NLN: variants seen among roughly 807,000 people sequenced by gnomAD.
NLN encodes the protein neurolysin, mitochondrial.
In NLN, 64 loss-of-function variants were observed where a neutral mutation model predicts 79.9. The ratio of observed to expected loss-of-function variants is 0.80; its 90% CI spans 0.65 to 0.99. The LOEUF (loss-of-function observed/expected upper bound fraction) is 0.99. NLN is among the 50% of genes least tolerant of loss of function. The pLI is 0.00. For missense variants in NLN, 835 were observed against 858.7 expected, an observed-to-expected ratio of 0.97 and a Z score of 0.34; for synonymous variants, 267 against 296.6, an observed-to-expected ratio of 0.90 and a Z score of 1.02.
intron 1 of NLN, among the ~76,000 whole-genome samples, chr5:65,723,589 T>C (rs888738367): frequency 6.6e-6 from 1 of 151,346 alleles, no homozygotes; most frequent in East Asian, 1.9e-4. Flanking sequence ...CCGAGGCGGG[T>C]GGATCACGAG....
chr5:65,731,231 A>C (rs1758599477), intron 1 of NLN, among the ~76,000 whole-genome samples: 1 of 152,222 alleles, frequency 6.6e-6, no homozygotes, highest in African/African-American at 2.4e-5. Context: ...AGTGGAAGGC[A>C]GTTGGAACTG....
chr5:65,775,375 C>A (rs1429909454), intron 3 of NLN, among the ~76,000 whole-genome samples: 1 of 152,172 alleles, frequency 6.6e-6, no homozygotes, highest in African/African-American at 2.4e-5. Context: ...CGGCTGTCCC[C>A]CTGTAGCCTT....
At chr5:65,726,591 TGTG>T (rs1412912208) in intron 1 of NLN, among the ~76,000 whole-genome samples, 1 of 152,220 alleles carries the variant, frequency 6.6e-6, no homozygotes, top group Non-Finnish European at 1.5e-5. Flanking sequence ...CTTTAAGGTT[TGTG>T]GACTACATTT....
At chr5:65,753,022 T>G (rs879706032) in intron 1 of NLN, among the ~76,000 whole-genome samples, 2 of 152,196 alleles carry the variant, frequency 1.3e-5, no homozygotes, top group African/African-American at 2.4e-5. Flanking sequence ...CTAGTTGCCT[T>G]GGAAACTATA....
At position 65,758,603 on chromosome 5, in the gene NLN, A is replaced by G. The variant is rs1036672346; in HGVS notation, c.78A>G (p.Leu26=). The change falls in exon 2 of 13, where the codon TTA becomes TTG. Residue 26 remains leucine, a synonymous_variant. Coordinates refer to ENST00000380985, the MANE Select transcript of NLN (RefSeq NM_020726.5). ...GGSRILLRMT[L]GREVMSPLQA... is the part of the protein sequence containing the mutation. ...CCAGGATTTTACTCAGAATGACGTT[A>G]GGAAGAGAAGTGATGTCTCCTCTTC... is the stretch of plus-strand genomic sequence containing the variant. The G allele has an allele frequency of 1.0e-5, 16 of 1,607,786 alleles. No homozygotes were observed. The African/African-American group carries it at 1.9e-4, about 19-fold the overall frequency.
chr5:65,774,255 C>T (rs1256352109), intron 3 of NLN, among the ~76,000 whole-genome samples: 1 of 151,996 alleles, frequency 6.6e-6, no homozygotes, highest in Non-Finnish European at 1.5e-5. Flanking sequence ...CTTGTCACCA[C>T]AGAGACTAAA....
chr5:65,739,012 T>TTATATATATAAATATATAA (rs1758811898), intron 1 of NLN, among the ~76,000 whole-genome samples: 3 of 116,186 alleles, frequency 2.6e-5, no homozygotes, highest in African/African-American at 6.6e-5. Flanking sequence ...TAATATATAT[T>TTATATATATAAATATATAA]TATATATATA....
chr5:65,727,265 CAAACA>C (rs1758495862), intron 1 of NLN, among the ~76,000 whole-genome samples: 1 of 152,114 alleles, frequency 6.6e-6, no homozygotes, highest in African/African-American at 2.4e-5. Context: ...ACTCTGGTTT[CAAACA>C]ATCCTCCCTG....
At chr5:65,758,525 A>G (rs766760640) in intron 1 of NLN, 42 bp from the exon 2 acceptor site, 1 of 1,479,056 alleles carries the variant, frequency 6.8e-7, no homozygotes, top group East Asian at 2.3e-5. Context: ...CTTTGGACCA[A>G]CAGAAATCCC....
At position 65,824,624 on chromosome 5, in the gene NLN, A is replaced by G. The variant is rs542274884; in HGVS notation, c.*1709A>G. On this transcript the variant is annotated 3_prime_UTR_variant, in exon 13 of 13. Transcript: ENST00000380985. The stretch of plus-strand genomic sequence containing the variant: ...ACTTTACCACTTGAAATCTTATTTC[A>G]TAGAAAAACTAAATTGGTGTGGAAA... 4 of 152,352 alleles carry G rather than the reference A, an allele frequency of 2.6e-5. 1 individual carries two copies. Among genetic ancestry groups the G allele is most frequent in the African/African-American group, 9.6e-5 (4 of 41,578 alleles). 9.4% of individuals were successfully genotyped at this position (152,352 alleles called of 1,614,324 possible). A position where few individuals can be genotyped will look rare whatever the true frequency, so the allele number is the denominator to read the frequency against.
rs1182333034 is a variant in NLN at position 65,792,381 on chromosome 5, G to A, written c.1326-73G>A. The A allele has an allele frequency of 5.7e-6, 5 of 875,728 alleles. No homozygotes were observed. In the African/African-American group the frequency reaches 8.4e-5, roughly 15 times the overall value. The allele number at this position is 875,728 out of a possible 1,614,324, so 54.2% of individuals were successfully genotyped here. A position where few individuals can be genotyped will look rare whatever the true frequency, so the allele number is the denominator to read the frequency against. ...TGGTAACAGATATGGCTTAATGACT[G>A]GAAGAGGCCATGCCAGTGTAGTTGC... On this transcript the variant is annotated intron_variant, in intron 8 of 12. Coordinates refer to ENST00000380985, the MANE Select transcript of NLN (RefSeq NM_020726.5).
rs12653505 is a variant in NLN at position 65,740,736 on chromosome 5, C to A, written c.42-17831C>A. Among the ~76,000 whole-genome samples, 4 of 151,510 alleles carry A rather than the reference C, an allele frequency of 2.6e-5. No individual in the cohort carries two copies. The East Asian group carries it at 7.7e-4, about 29-fold the overall frequency. On this transcript the variant is annotated intron_variant, in intron 1 of 12. Coordinates refer to ENST00000380985, the MANE Select transcript of NLN (RefSeq NM_020726.5). ...TGGCCATAAATGTGTGGATTTATTTCTGGGCTTTCTAGGCTGTTCCATCAG... is the reference window on the plus strand; with the variant it reads ...TGGCCATAAATGTGTGGATTTATTTATGGGCTTTCTAGGCTGTTCCATCAG...
At chr5:65,815,792 C>T (rs1240715902) in intron 12 of NLN, among the ~76,000 whole-genome samples, 1 of 151,954 alleles carries the variant, frequency 6.6e-6, no homozygotes, top group African/African-American at 2.4e-5. Flanking sequence ...AAAAAAAAAC[C>T]CACAAATATT....
chr5:65,773,510 TCTC>T (rs978563484), intron 3 of NLN, among the ~76,000 whole-genome samples: 5 of 152,196 alleles, frequency 3.3e-5, no homozygotes, highest in African/African-American at 1.2e-4. Context: ...CATTGTAATT[TCTC>T]CTTTGTATAA....
chr5:65,742,095 A>G (rs1420342639), intron 1 of NLN, among the ~76,000 whole-genome samples: 2 of 152,114 alleles, frequency 1.3e-5, no homozygotes, highest in Non-Finnish European at 2.9e-5. Context: ...ACATTTTAAC[A>G]TTTTTATTCA....
chr5:65,749,347 G>A (rs1457958553), intron 1 of NLN, among the ~76,000 whole-genome samples: 1 of 152,218 alleles, frequency 6.6e-6, no homozygotes, highest in Non-Finnish European at 1.5e-5. Flanking sequence ...GAATTGTAGT[G>A]CAGTAATGAT....
chr5:65,817,606 C>T (rs1398639594), intron 12 of NLN, among the ~76,000 whole-genome samples: 1 of 152,154 alleles, frequency 6.6e-6, no homozygotes, highest in South Asian at 2.1e-4. Context: ...TCCTCTTTTG[C>T]ATTTGAAGAA....
chr5:65,759,827 G>A (rs1005470498), intron 2 of NLN, among the ~76,000 whole-genome samples: 24 of 152,060 alleles, frequency 1.6e-4, no homozygotes, highest in African/African-American at 5.8e-4. Flanking sequence ...CAGGTGATGG[G>A]TTTATAGCTA....
chr5:65,813,378 A>G (rs1183012004), intron 12 of NLN, among the ~76,000 whole-genome samples: 1 of 152,028 alleles, frequency 6.6e-6, no homozygotes, highest in Non-Finnish European at 1.5e-5. Flanking sequence ...AGACATACCT[A>G]TTCCTGCATG....
Sources: gnomAD v4.1 joint callset for allele counts (sites outside exome capture counted in the v4.1 genomes callset) on GRCh38, gnomAD v4.1.1 for gene constraint, MANE v1.5 for transcripts, NCBI Gene and HGNC (gene_info 2026-07-23, HGNC 2026-07-21) for gene names.